The following CYFIP2 variants were observed in gnomAD, a reference collection of about 807,000 sequenced individuals.
The protein encoded by CYFIP2 is cytoplasmic FMR1-interacting protein 2.
A neutral mutation model predicts 158.7 loss-of-function variants in CYFIP2; 29 were observed. The ratio of observed to expected loss-of-function variants is 0.18; its 90% CI spans 0.14 to 0.25. The LOEUF is 0.25. CYFIP2 is among the 10% of genes least tolerant of loss of function. CYFIP2 has a pLI of 1.00. For missense variants in CYFIP2, 852 were observed against 1,639.5 expected, an observed-to-expected ratio of 0.52 and a Z score of 8.29; for synonymous variants, 585 against 617.6, an observed-to-expected ratio of 0.95 and a Z score of 0.78.
chr5:157,389,525 G>A (rs958181995), intron 29 of CYFIP2, 98 bp downstream of exon 29: 98 of 1,166,364 alleles, frequency 8.4e-5, no homozygotes, highest in Non-Finnish European at 9.7e-5. Context: ...TGGGCAGGGG[G>A]TGGGGGTGGT....
rs575988852 is a variant in CYFIP2 at position 157,394,300 on chromosome 5, T to C, written c.*1300T>C. On this transcript the variant is annotated 3_prime_UTR_variant, in exon 31 of 31. Coordinates refer to ENST00000620254, the MANE Select transcript of CYFIP2 (RefSeq NM_001037333.3). ...GATATAAATTTCATGTTACAGAGCATGTCATTGTCAAAGGAAATCTGTGGC... is the reference window on the plus strand; with the variant it reads ...GATATAAATTTCATGTTACAGAGCACGTCATTGTCAAAGGAAATCTGTGGC... The C allele has an allele frequency of 1.3e-5, 2 of 152,332 alleles. No homozygotes were observed. The highest frequency in any genetic ancestry group is 4.8e-5 in the African/African-American group (2 of 41,582). The allele number at this position is 152,332 out of a possible 1,614,324, so 9.4% of individuals were successfully genotyped here.
Position 157,361,750 on chromosome 5 carries a change from A to G in CYFIP2, c.3039+152A>G, listed in dbSNP as rs1452655643. Among the ~76,000 whole-genome samples the G allele has an allele frequency of 6.6e-6, 1 of 152,130 alleles. No individual in the cohort carries two copies. Among genetic ancestry groups the G allele is most frequent in the Non-Finnish European group, 1.5e-5 (1 of 68,018 alleles). On this transcript the variant is annotated intron_variant, in intron 26 of 30. Transcript: ENST00000620254. This position sits in a 1 kb window ranked among gnomAD's most constrained non-coding sequence, Gnocchi z 4.4. ...TCATTTCCAGACAGACATGGATTCT[A>G]GTCCTGGCTCCCCCATTCACGATTA...
At chr5:157,309,640 C>T in intron 9 of CYFIP2, 103 bp from the exon 10 acceptor site, 1 of 1,034,214 alleles carries the variant, frequency 9.7e-7, no homozygotes, top group East Asian at 2.6e-5. Context: ...GGGTCGGCCC[C>T]CAGGCACACA....
intron 16 of CYFIP2, 65 bp downstream of exon 16, chr5:157,324,139 G>T (rs1165310811): frequency 6.6e-7 from 1 of 1,520,132 alleles, no homozygotes; most frequent in African/African-American, 1.4e-5. Context: ...GAGCCGCTAA[G>T]ACCACCAAGC....
intron 1 of CYFIP2, among the ~76,000 whole-genome samples, chr5:157,279,157 G>GCTGTAGT (rs935481540): frequency 1.3e-5 from 2 of 152,138 alleles, no homozygotes; most frequent in African/African-American, 4.8e-5. Context: ...TATTCTACAT[G>GCTGTAGT]CTGTAGTTAT....
At chr5:157,383,158 CCATTTTTGGAATGCAGAT>C in intron 27 of CYFIP2, 89 bp from the exon 28 acceptor site, 3 of 927,184 alleles carry the variant, frequency 3.2e-6, no homozygotes, top group Non-Finnish European at 5.1e-6. Flanking sequence ...ACACTCCATC[CCATTTTTGGAATGCAGAT>C]ACATCATCAG....
At chr5:157,365,853 CAGTT>C (rs1355456450) in intron 26 of CYFIP2, among the ~76,000 whole-genome samples, 1 of 151,268 alleles carries the variant, frequency 6.6e-6, no homozygotes, top group Non-Finnish European at 1.5e-5. Flanking sequence ...ATTACCGAAT[CAGTT>C]ACTCTAGTAT....
In CYFIP2 at chr5:157,311,618, G is replaced by A. The variant is rs765647472; in HGVS notation, c.993-46G>A. The A allele has an allele frequency of 6.5e-7, 1 of 1,533,556 alleles. No individual in the cohort carries two copies. Among genetic ancestry groups the A allele is most frequent in the Non-Finnish European group, 8.8e-7 (1 of 1,131,724 alleles). The allele number at this position is 1,533,556 out of a possible 1,614,324, so 95.0% of individuals were successfully genotyped here. A position where few individuals can be genotyped will look rare whatever the true frequency, so the allele number is the denominator to read the frequency against. On this transcript the variant is annotated intron_variant, in intron 10 of 30. Transcript: ENST00000620254. The surrounding 1 kb of genome is among the most constrained non-coding windows in gnomAD (Gnocchi z 4.7). ...AGCAGCTAATGCCTGTTCCACCCAG[G>A]CGCCTGAGGCTGGGACCCTCTCCGA...
At chr5:157,336,156 C>T (rs1761842958) in intron 21 of CYFIP2, among the ~76,000 whole-genome samples, 1 of 152,096 alleles carries the variant, frequency 6.6e-6, no homozygotes, top group South Asian at 2.1e-4. Flanking sequence ...GCCTTTCCCT[C>T]CACCTGAAAA....
intron 5 of CYFIP2, among the ~76,000 whole-genome samples, chr5:157,298,320 ACAAT>A (rs1758419820): frequency 6.6e-6 from 1 of 151,996 alleles, no homozygotes. Context: ...ATTCATCACG[ACAAT>A]CAGTTTTATT....
intron 23 of CYFIP2, 135 bp from the exon 24 acceptor site, chr5:157,358,870 C>A: frequency 8.6e-7 from 1 of 1,162,154 alleles, no homozygotes; most frequent in Non-Finnish European, 1.2e-6. Flanking sequence ...ATTTTGCAAA[C>A]ATATTCATGG....
intron 1 of CYFIP2, among the ~76,000 whole-genome samples, chr5:157,278,701 A>G (rs572249614): frequency 3.9e-4 from 59 of 152,038 alleles, no homozygotes; most frequent in African/African-American, 1.4e-3. Flanking sequence ...TTGGTAGGAG[A>G]ATTGTTGGAG....
chr5:157,337,459 T>C (rs541506570), intron 21 of CYFIP2, among the ~76,000 whole-genome samples: 33 of 152,304 alleles, frequency 2.2e-4, no homozygotes, highest in Admixed American at 5.9e-4. Flanking sequence ...CCCCAAACTT[T>C]CTCTTCACCC....
chr5:157,274,959 A>T (rs530310785), intron 1 of CYFIP2, among the ~76,000 whole-genome samples: 1 of 152,184 alleles, frequency 6.6e-6, no homozygotes, highest in Admixed American at 6.5e-5. Context: ...ATTTTTTTGT[A>T]GAAACAGGGT....
intron 2 of CYFIP2, among the ~76,000 whole-genome samples, chr5:157,286,184 C>T (rs1440596192): frequency 1.3e-5 from 2 of 152,086 alleles, no homozygotes; most frequent in Non-Finnish European, 2.9e-5. Context: ...CCATAAACTT[C>T]ATTGATTCAC....
intron 26 of CYFIP2, among the ~76,000 whole-genome samples, chr5:157,368,965 C>G (rs1764720299): frequency 6.7e-6 from 1 of 150,214 alleles, no homozygotes; most frequent in Non-Finnish European, 1.5e-5. Flanking sequence ...GTGGCACAAT[C>G]TTGGCTCACT....
intron 26 of CYFIP2, chr5:157,365,376 G>A (rs1370118258): frequency 1.3e-5 from 2 of 152,082 alleles, no homozygotes; most frequent in Non-Finnish European, 2.9e-5. Flanking sequence ...TCATTGATAG[G>A]TAGAGGGATA....
intron 28 of CYFIP2, among the ~76,000 whole-genome samples, chr5:157,387,466 A>C (rs1766811984): frequency 6.6e-6 from 1 of 152,148 alleles, no homozygotes; most frequent in Non-Finnish European, 1.5e-5. Context: ...AATTAACCAA[A>C]TGCACAGTAG....
intron 23 of CYFIP2, among the ~76,000 whole-genome samples, chr5:157,356,633 G>A (rs997335965): frequency 7.2e-5 from 11 of 152,100 alleles, no homozygotes; most frequent in Non-Finnish European, 1.5e-4. Context: ...GGCTTGTTTG[G>A]TGATTGCTAT....
Sources: allele counts gnomAD v4.1 joint callset (sites outside exome capture counted in the v4.1 genomes callset), GRCh38; gene constraint gnomAD v4.1.1; non-coding constraint Gnocchi (gnomAD v3.1); transcripts MANE v1.5; gene names NCBI Gene and HGNC (gene_info 2026-07-23, HGNC 2026-07-21).